Variants in ADARB2 observed in about 807,000 individuals in gnomAD.
ADARB2 encodes inactive double-stranded RNA-specific editase B2.
In ADARB2, 25 loss-of-function variants were observed where a neutral mutation model predicts 62.2. The ratio of observed to expected loss-of-function variants is 0.40; its 90% CI spans 0.29 to 0.56. ADARB2 has a LOEUF of 0.56. Ranked by LOEUF, ADARB2 falls within the 20% of genes least tolerant of loss-of-function variation. The pLI is 0.43. For synonymous variants in ADARB2, 572 were observed against 500.8 expected (o/e 1.14, Z -1.90); for missense variants, 1,071 against 1,077.4 (o/e 0.99, Z 0.08).
chr10:1,629,316 G>C (rs1771374374), intron 1 of ADARB2, among the ~76,000 whole-genome samples: 1 of 152,104 alleles, frequency 6.6e-6, no homozygotes, highest in African/African-American at 2.4e-5. Context: ...TCTGAGACAA[G>C]TGTGGGTTTA....
chr10:1,526,351 C>T (rs988152162), intron 1 of ADARB2, among the ~76,000 whole-genome samples: 21 of 152,060 alleles, frequency 1.4e-4, no homozygotes, highest in East Asian at 1.9e-4. Context: ...TTAAGAGTGG[C>T]ACAGTCAGTG....
At chr10:1,351,333 A>T (rs566903651) in intron 3 of ADARB2, among the ~76,000 whole-genome samples, 20 of 151,734 alleles carry the variant, frequency 1.3e-4, no homozygotes, top group African/African-American at 4.8e-4. Flanking sequence ...GAGGCTACCC[A>T]CTCCACATTA....
At chr10:1,195,912 C>T (rs1484106562) in intron 8 of ADARB2, among the ~76,000 whole-genome samples, 1 of 152,172 alleles carries the variant, frequency 6.6e-6, no homozygotes, top group East Asian at 1.9e-4. Flanking sequence ...AATCGAGGCC[C>T]ATGTGATTGT....
chr10:1,488,872 C>T (rs1831585331), intron 1 of ADARB2, among the ~76,000 whole-genome samples: 1 of 152,230 alleles, frequency 6.6e-6, no homozygotes, highest in Non-Finnish European at 1.5e-5. Context: ...ATGGTTTCTT[C>T]TTGGTCAGCA....
chr10:1,369,135 A>C (rs575884536), intron 2 of ADARB2, among the ~76,000 whole-genome samples: 117 of 152,282 alleles, frequency 7.7e-4, no homozygotes, highest in Non-Finnish European at 1.4e-3. Context: ...GGAAGGTATT[A>C]AATGTGTTAG....
chr10:1,620,754 G>A (rs945328472), intron 1 of ADARB2, among the ~76,000 whole-genome samples: 1 of 152,142 alleles, frequency 6.6e-6, no homozygotes, highest in Non-Finnish European at 1.5e-5. Flanking sequence ...ATATGAAAAG[G>A]GTGTATGTAA....
chr10:1,628,884 G>A (rs1321576442), intron 1 of ADARB2, among the ~76,000 whole-genome samples: 1 of 152,244 alleles, frequency 6.6e-6, no homozygotes, highest in Non-Finnish European at 1.5e-5. Context: ...CCAGTGTCGT[G>A]ACCACTGGAG....
chr10:1,535,456 G>C (rs564876395), intron 1 of ADARB2: 1 of 157,380 alleles, frequency 6.4e-6, no homozygotes, highest in African/African-American at 2.4e-5. Context: ...TCTTAGATTT[G>C]CTCGTGCACT....
rs538969552 is a variant in ADARB2 at position 1,219,089 on chromosome 10, C to T, written c.1514-1970G>A. Among the ~76,000 whole-genome samples the T allele has an allele frequency of 2.2e-3, 338 of 151,940 alleles. 3 individuals are homozygous for T. Among genetic ancestry groups the T allele is most frequent in the African/African-American group, 7.7e-3 (320 of 41,452 alleles). On this transcript the variant is annotated intron_variant, in intron 6 of 9. Coordinates refer to ENST00000381312, the MANE Select transcript of ADARB2 (RefSeq NM_018702.4). ...AAAAAAGAGTGTGTGGCATCTCCCC[C>T]GCCCTCTCACTCCTGCTCTGGCCAT...
chr10:1,596,947 C>T (rs934060968), intron 1 of ADARB2, among the ~76,000 whole-genome samples: 1 of 152,152 alleles, frequency 6.6e-6, no homozygotes, highest in African/African-American at 2.4e-5. Flanking sequence ...GGGGCTTCAT[C>T]GCCGACTTCT....
At chr10:1,186,367 A>C (rs1042497509) in intron 8 of ADARB2, 1 of 430,144 alleles carries the variant, frequency 2.3e-6, no homozygotes, top group African/African-American at 2.0e-5. Flanking sequence ...TGGTCCACAC[A>C]ACAGTGAGTC....
At chr10:1,353,745 C>T (rs2131845493) in intron 3 of ADARB2, among the ~76,000 whole-genome samples, 1 of 152,272 alleles carries the variant, frequency 6.6e-6, no homozygotes, top group Admixed American at 6.5e-5. Context: ...CAAAGCCCAA[C>T]TACACACATC....
At chr10:1,729,233 G>A (rs965615752) in intron 1 of ADARB2, among the ~76,000 whole-genome samples, 3 of 152,140 alleles carry the variant, frequency 2.0e-5, no homozygotes, top group Admixed American at 1.3e-4. Flanking sequence ...AAAAGGTATT[G>A]TTTTTTAATA....
chr10:1,632,462 C>G (rs1833855369), intron 1 of ADARB2, among the ~76,000 whole-genome samples: 1 of 152,256 alleles, frequency 6.6e-6, no homozygotes, highest in Admixed American at 6.5e-5. Context: ...TACACATGTG[C>G]ACACACATGC....
At chr10:1,570,449 CA>C (rs1832920023) in intron 1 of ADARB2, among the ~76,000 whole-genome samples, 1 of 14,046 alleles carries the variant, frequency 7.1e-5, no homozygotes, top group South Asian at 1.6e-3. Flanking sequence ...GCAGGACGGG[CA>C]GGCACCATGC....
chr10:1,721,370 A>G (rs1047979382), intron 1 of ADARB2, among the ~76,000 whole-genome samples: 2 of 152,228 alleles, frequency 1.3e-5, no homozygotes, highest in African/African-American at 2.4e-5. Flanking sequence ...ACAAGTATCA[A>G]ACACAGACTT....
At chr10:1,594,204 C>T (rs756421947) in intron 1 of ADARB2, among the ~76,000 whole-genome samples, 107 of 152,230 alleles carry the variant, frequency 7.0e-4, no homozygotes, top group Non-Finnish European at 9.1e-4. Context: ...GCAGGAGAAT[C>T]GCTTAAAATC....
chr10:1,340,653 G>A (rs61833570), intron 3 of ADARB2, among the ~76,000 whole-genome samples: 305 of 8,968 alleles, frequency 0.034, 1 homozygote, highest in Middle Eastern at 0.1. Flanking sequence ...GGCAATAACC[G>A]GCATCCACCA....
intron 3 of ADARB2, among the ~76,000 whole-genome samples, chr10:1,352,572 C>T (rs1832154011): frequency 1.3e-5 from 2 of 152,178 alleles, no homozygotes; most frequent in South Asian, 4.1e-4. Context: ...TTAGCCCAGC[C>T]CTCATGTCTG....
Sources: gnomAD v4.1 joint callset for allele counts (sites outside exome capture counted in the v4.1 genomes callset) on GRCh38, gnomAD v4.1.1 for gene constraint, MANE v1.5 for transcripts, NCBI Gene and HGNC (gene_info 2026-07-23, HGNC 2026-07-21) for gene names.